SLC1A2: variants seen among roughly 807,000 people sequenced by gnomAD.
SLC1A2 encodes excitatory amino acid transporter 2.
In SLC1A2, 15 loss-of-function variants were observed where a neutral mutation model predicts 48.8. That is an observed-to-expected ratio of 0.31 (90% confidence interval 0.21 to 0.47). SLC1A2 has a LOEUF of 0.47. Ranked by LOEUF, SLC1A2 falls within the 20% of genes least tolerant of loss-of-function variation. The pLI, the probability that SLC1A2 is intolerant of heterozygous loss-of-function variation, is 0.99. For missense variants in SLC1A2, 502 were observed against 730.5 expected (o/e 0.69, Z 3.61); for synonymous variants, 279 against 272.6 (o/e 1.02, Z -0.23).
At chr11:35,285,841 T>C (rs1850801804) in intron 8 of SLC1A2, 1 of 152,224 alleles carries the variant, frequency 6.6e-6, no homozygotes, top group Non-Finnish European at 1.5e-5. Flanking sequence ...AAATTATGAA[T>C]ACCTTCCTTA....
chr11:35,410,707 A>G (rs538282139), intron 1 of SLC1A2, among the ~76,000 whole-genome samples: 6 of 152,044 alleles, frequency 3.9e-5, no homozygotes, highest in Non-Finnish European at 8.8e-5. Flanking sequence ...AGCCCCATTC[A>G]ATGGCTGGTT....
chr11:35,287,056 G>T, intron 7 of SLC1A2, 105 bp from the exon 8 acceptor site: 1 of 903,346 alleles, frequency 1.1e-6, no homozygotes, highest in Non-Finnish European at 1.7e-6. Context: ...CTTGTTTTGT[G>T]TCAATCAAGC....
chr11:35,310,493 T>C (rs1052505135), intron 4 of SLC1A2, among the ~76,000 whole-genome samples: 2 of 152,236 alleles, frequency 1.3e-5, no homozygotes, highest in Non-Finnish European at 2.9e-5. Context: ...AGGTCCATGC[T>C]ACATGTTCCA....
chr11:35,346,258 T>C (rs916025555), intron 1 of SLC1A2, among the ~76,000 whole-genome samples: 1 of 152,186 alleles, frequency 6.6e-6, no homozygotes, highest in African/African-American at 2.4e-5. Context: ...ATTTGAGGCA[T>C]CCATTTCCAT....
At chr11:35,281,345 C>A (rs1346493234) in intron 8 of SLC1A2, among the ~76,000 whole-genome samples, 3 of 152,152 alleles carry the variant, frequency 2.0e-5, no homozygotes, top group African/African-American at 4.8e-5. Flanking sequence ...AAACAAATCA[C>A]CCTTAATCCT....
intron 4 of SLC1A2, among the ~76,000 whole-genome samples, chr11:35,310,092 A>G (rs1380311031): frequency 6.6e-6 from 1 of 152,104 alleles, no homozygotes; most frequent in African/African-American, 2.4e-5. Context: ...CAGCTCCACA[A>G]AAGTTCACTC....
upstream of SLC1A2, chr11:35,419,957 G>A (rs1344432540): frequency 2.1e-6 from 1 of 469,710 alleles, no homozygotes; most frequent in Non-Finnish European, 4.4e-6. The surrounding 1 kb of genome is among the most constrained non-coding windows in gnomAD (Gnocchi z 5.4). Context: ...ACGTCTGGGG[G>A]TCCCAGGTCC....
chr11:35,301,011 T>A (rs1323766310), intron 6 of SLC1A2, among the ~76,000 whole-genome samples: 14 of 151,962 alleles, frequency 9.2e-5, no homozygotes, highest in Non-Finnish European at 2.1e-4. Flanking sequence ...GGTGATAGAG[T>A]CAGACCCTGT....
At chr11:35,380,357 G>T in intron 1 of SLC1A2, 1 of 398,620 alleles carries the variant, frequency 2.5e-6, no homozygotes, top group Non-Finnish European at 4.4e-6. Flanking sequence ...CCAGGTTGTA[G>T]CCCTGGTCAT....
intron 1 of SLC1A2, among the ~76,000 whole-genome samples, chr11:35,341,432 G>A (rs7942586): frequency 0.39 from 59,940 of 152,034 alleles, 11,889 homozygotes; most frequent in South Asian, 0.54. Context: ...TTAAAACCCT[G>A]TTAAAAACCT....
intron 10 of SLC1A2, among the ~76,000 whole-genome samples, chr11:35,263,761 C>T (rs1345043943): frequency 6.6e-6 from 1 of 152,172 alleles, no homozygotes; most frequent in Non-Finnish European, 1.5e-5. Flanking sequence ...ATCATTACAA[C>T]ATTATACATT....
intron 1 of SLC1A2, among the ~76,000 whole-genome samples, chr11:35,390,521 T>A (rs576324722): frequency 7.9e-5 from 12 of 152,280 alleles, no homozygotes; most frequent in African/African-American, 2.9e-4. Flanking sequence ...CAAAATGAGA[T>A]GTGTCATAAG....
intron 1 of SLC1A2, chr11:35,380,461 T>C: frequency 2.5e-6 from 1 of 398,620 alleles, no homozygotes; most frequent in Non-Finnish European, 4.4e-6. Flanking sequence ...TAAAGAGTTT[T>C]ATTTTAAATC....
At chr11:35,325,702 C>T (rs1852219775) in intron 1 of SLC1A2, among the ~76,000 whole-genome samples, 1 of 152,132 alleles carries the variant, frequency 6.6e-6, no homozygotes, top group Non-Finnish European at 1.5e-5. Flanking sequence ...GTGGTTCATG[C>T]CTGTAATCCC....
In SLC1A2 at chr11:35,357,848, T is replaced by TA. The variant is rs200699941; in HGVS notation, c.18-40333dup. Among the ~76,000 whole-genome samples the TA allele has an allele frequency of 1.1e-3, 161 of 152,182 alleles. 3 individuals are homozygous for TA. In the East Asian group the frequency reaches 0.018, roughly 17 times the overall value. On this transcript the variant is annotated intron_variant, in intron 1 of 10. Coordinates refer to ENST00000278379, the MANE Select transcript of SLC1A2 (RefSeq NM_004171.4). ...TAAAATGGTTTAAGTTCTTTTTCTT[T>TA]AAAAAAAGGGGGGAAAGGCAGTGTG...
intron 1 of SLC1A2, among the ~76,000 whole-genome samples, chr11:35,408,202 C>T (rs1169176157): frequency 6.6e-6 from 1 of 152,200 alleles, no homozygotes; most frequent in Non-Finnish European, 1.5e-5. Flanking sequence ...AATCTGGTAA[C>T]CTATGCTCAT....
At chr11:35,387,170 A>T (rs983018182) in intron 1 of SLC1A2, among the ~76,000 whole-genome samples, 1 of 152,174 alleles carries the variant, frequency 6.6e-6, no homozygotes, top group African/African-American at 2.4e-5. Flanking sequence ...TCAATCAATC[A>T]CTGAAGATGG....
At chr11:35,342,166 C>G (rs1411534924) in intron 1 of SLC1A2, among the ~76,000 whole-genome samples, 1 of 152,092 alleles carries the variant, frequency 6.6e-6, no homozygotes, top group African/African-American at 2.4e-5. Context: ...TAGGCTTTTA[C>G]GTTTAAAATA....
chr11:35,317,302 G>T, intron 2 of SLC1A2, 75 bp downstream of exon 2: 1 of 1,519,136 alleles, frequency 6.6e-7, no homozygotes, highest in South Asian at 1.2e-5. Flanking sequence ...GCTGGCTGCT[G>T]AGACCAGCTG....
Sources: gnomAD v4.1 joint callset for allele counts (sites outside exome capture counted in the v4.1 genomes callset) on GRCh38, gnomAD v4.1.1 for gene constraint, Gnocchi (gnomAD v3.1) non-coding constraint, MANE v1.5 for transcripts, NCBI Gene and HGNC (gene_info 2026-07-23, HGNC 2026-07-21) for gene names.